PTPRK: variants seen among roughly 807,000 people sequenced by gnomAD.
PTPRK encodes receptor-type tyrosine-protein phosphatase kappa.
A neutral mutation model predicts 178.0 loss-of-function variants in PTPRK; 75 were observed. The observed-to-expected ratio is 0.42, with a 90% CI of 0.35 to 0.51. The LOEUF is 0.51. Among genes scored for constraint, PTPRK ranks in the 20% least tolerant of loss-of-function variants. PTPRK has a pLI of 0.02. For synonymous variants in PTPRK, 637 were observed against 620.6 expected, an observed-to-expected ratio of 1.03 and a Z score of -0.39; for missense variants, 1,441 against 1,797.8, an observed-to-expected ratio of 0.80 and a Z score of 3.59.
intron 7 of PTPRK, among the ~76,000 whole-genome samples, chr6:128,103,993 C>A (rs938104855): frequency 6.6e-6 from 1 of 152,160 alleles, no homozygotes; most frequent in Non-Finnish European, 1.5e-5. Flanking sequence ...TTCAAACATG[C>A]CAGCTACGCT....
chr6:128,182,565 C>CA (rs2114690106), intron 7 of PTPRK, among the ~76,000 whole-genome samples: 1 of 152,154 alleles, frequency 6.6e-6, no homozygotes, highest in East Asian at 1.9e-4. Flanking sequence ...TAGAGCAAGA[C>CA]AAAAAAGCAG....
chr6:128,343,801 G>A (rs1249017727), intron 2 of PTPRK, among the ~76,000 whole-genome samples: 1 of 151,880 alleles, frequency 6.6e-6, no homozygotes, highest in Non-Finnish European at 1.5e-5. Context: ...AATATACAAA[G>A]CCAAAGTCCT....
intron 5 of PTPRK, chr6:128,235,291 A>C (rs1328434593): frequency 1.3e-5 from 2 of 149,208 alleles, no homozygotes; most frequent in African/African-American, 2.6e-5. Flanking sequence ...CAAAAAATTC[A>C]AAATTTAAAA....
chr6:128,384,639 T>C (rs1190899583), intron 2 of PTPRK, among the ~76,000 whole-genome samples: 1 of 152,192 alleles, frequency 6.6e-6, no homozygotes, highest in Non-Finnish European at 1.5e-5. Flanking sequence ...ATAGTACAGA[T>C]ATTTTGAAAA....
chr6:128,056,363 T>A (rs1779893414), intron 13 of PTPRK, among the ~76,000 whole-genome samples: 1 of 152,154 alleles, frequency 6.6e-6, no homozygotes, highest in Non-Finnish European at 1.5e-5. Context: ...TCATCATGTA[T>A]TTTTATTCCT....
In PTPRK at chr6:128,429,881, T is replaced by A. The variant is rs565443827; in HGVS notation, c.101-32193A>T. On this transcript the variant is annotated intron_variant, in intron 1 of 29. Transcript: ENST00000368226. ...ACCATAATGAGATATATTTGTATAA[T>A]CATCAATGCAATATAAAGTTAATTT... 9.2e-5 allele frequency among the ~76,000 whole-genome samples: 14 copies of A among 152,336 alleles called. 1 individual carries two copies. In the South Asian group the frequency reaches 2.9e-3, roughly 32 times the overall value.
chr6:128,372,992 T>A (rs188037433), intron 2 of PTPRK, among the ~76,000 whole-genome samples: 8,866 of 142,984 alleles, frequency 0.062, 497 homozygotes, highest in African/African-American at 0.15. Flanking sequence ...GAGGTAATTT[T>A]AAAAAAAAAA....
chr6:128,132,817 T>C (rs1794458565), intron 7 of PTPRK, among the ~76,000 whole-genome samples: 1 of 152,234 alleles, frequency 6.6e-6, no homozygotes, highest in Non-Finnish European at 1.5e-5. Flanking sequence ...CCATCCTTCA[T>C]GTCCTTTTAT....
rs550262796 is a variant in PTPRK at position 128,079,944 on chromosome 6, C to T, written c.1778-1026G>A. Among the ~76,000 whole-genome samples the T allele has an allele frequency of 2.6e-5, 4 of 151,078 alleles. No individual in the cohort carries two copies. The East Asian group carries it at 7.8e-4, about 30-fold the overall frequency. On this transcript the variant is annotated intron_variant, in intron 10 of 29. Coordinates refer to ENST00000368226, the MANE Select transcript of PTPRK (RefSeq NM_002844.4). ...CCCCTCTACCCTAGAGTTTCTGATT[C>T]AGTATTTCTGGGGAGGGACCTGACA...
At chr6:128,048,782 C>G (rs1180962467) in intron 13 of PTPRK, among the ~76,000 whole-genome samples, 1 of 152,136 alleles carries the variant, frequency 6.6e-6, no homozygotes, top group African/African-American at 2.4e-5. Flanking sequence ...CTTTTCATAT[C>G]AGGGACTTGA....
At chr6:128,456,103 T>C (rs1456519420) in intron 1 of PTPRK, among the ~76,000 whole-genome samples, 2 of 152,038 alleles carry the variant, frequency 1.3e-5, no homozygotes, top group Admixed American at 1.3e-4. Context: ...AATCAAAATG[T>C]TAACCCTGCA....
At chr6:128,122,718 A>G (rs1792679445) in intron 7 of PTPRK, among the ~76,000 whole-genome samples, 1 of 152,202 alleles carries the variant, frequency 6.6e-6, no homozygotes, top group Non-Finnish European at 1.5e-5. Flanking sequence ...ATGAAGGATA[A>G]CCGCAGTATG....
intron 8 of PTPRK, 101 bp downstream of exon 8, chr6:128,089,589 G>T: frequency 1.6e-6 from 2 of 1,216,724 alleles, no homozygotes; most frequent in Non-Finnish European, 2.3e-6. Flanking sequence ...GATGATTTCA[G>T]AATCCAATTC....
At position 128,078,580 on chromosome 6, in the gene PTPRK, C is replaced by T. The variant is rs571114388; in HGVS notation, c.1883+233G>A. Among the ~76,000 whole-genome samples, 45 of 151,900 alleles carry T rather than the reference C, an allele frequency of 3.0e-4. No individual in the cohort carries two copies. In the South Asian group the frequency reaches 9.1e-3, roughly 31 times the overall value. ...GGTATTTTGAGAGAGAACATAATCACCTTTTATTAAAATACATAGTTGTTC... is the reference window on the plus strand; with the variant it reads ...GGTATTTTGAGAGAGAACATAATCATCTTTTATTAAAATACATAGTTGTTC... On this transcript the variant is annotated intron_variant, in intron 11 of 29. Coordinates refer to ENST00000368226, the MANE Select transcript of PTPRK (RefSeq NM_002844.4).
At chr6:127,995,408 G>A in intron 18 of PTPRK, 54 bp downstream of exon 18, 1 of 1,478,020 alleles carries the variant, frequency 6.8e-7, no homozygotes, top group Non-Finnish European at 9.4e-7. Context: ...TAAGCAAAAA[G>A]GTTCATATAT....
At chr6:128,340,400 C>G (rs1831508716) in intron 2 of PTPRK, among the ~76,000 whole-genome samples, 1 of 152,208 alleles carries the variant, frequency 6.6e-6, no homozygotes, top group Non-Finnish European at 1.5e-5. Context: ...TCCCCCCATT[C>G]TAGCAGACCC....
At chr6:128,081,014 T>C (rs1281960159) in intron 10 of PTPRK, among the ~76,000 whole-genome samples, 2 of 150,854 alleles carry the variant, frequency 1.3e-5, no homozygotes, top group South Asian at 2.1e-4. Context: ...TTGAGAGACA[T>C]ACACACACAC....
intron 6 of PTPRK, among the ~76,000 whole-genome samples, chr6:128,208,227 C>T (rs1562792387): frequency 6.7e-6 from 1 of 149,406 alleles, no homozygotes; most frequent in Non-Finnish European, 1.5e-5. Context: ...TAAATATTTT[C>T]AAACCACCCA....
intron 7 of PTPRK, among the ~76,000 whole-genome samples, chr6:128,160,491 C>G (rs4460226): frequency 8.6e-5 from 13 of 151,746 alleles, no homozygotes; most frequent in African/African-American, 2.9e-4. Flanking sequence ...AAATTTTGCC[C>G]TAAGAGAGAA....
Sources: allele counts gnomAD v4.1 joint callset (sites outside exome capture counted in the v4.1 genomes callset), GRCh38; gene constraint gnomAD v4.1.1; transcripts MANE v1.5; gene names NCBI Gene and HGNC (gene_info 2026-07-23, HGNC 2026-07-21).